The following SNX10 variants were observed in gnomAD, a reference collection of about 807,000 sequenced individuals.
SNX10 encodes the protein sorting nexin-10.
Under a neutral mutation model 28.5 loss-of-function variants are expected in SNX10, and 25 were observed. That is an observed-to-expected ratio of 0.88 (90% CI 0.64 to 1.22). The LOEUF (loss-of-function observed/expected upper bound fraction) is 1.22, where lower values mean the gene tolerates loss of function less well. SNX10 is among the 50% of genes most tolerant of loss of function. The pLI, the probability that SNX10 is intolerant of heterozygous loss-of-function variation, is 0.00. For missense variants in SNX10, 223 were observed against 242.6 expected (o/e 0.92, Z 0.54); for synonymous variants, 62 against 81.4 (o/e 0.76, Z 1.28).
chr7:26,297,534 C>T (rs1412744637), intron 1 of SNX10, among the ~76,000 whole-genome samples: 2 of 152,160 alleles, frequency 1.3e-5, no homozygotes, highest in Non-Finnish European at 2.9e-5. Context: ...TGAACATGAA[C>T]TTTGGCTACA....
intron 5 of SNX10, among the ~76,000 whole-genome samples, chr7:26,369,593 C>G (rs1034479148): frequency 4.8e-4 from 73 of 152,076 alleles, no homozygotes; most frequent in Admixed American, 2.0e-4. Context: ...TGTACCTAGC[C>G]GACTCACTGG....
chr7:26,361,072 A>T lies in SNX10; in HGVS notation c.111+11A>T, dbSNP rs762716516. 1.3e-6 allele frequency: 2 copies of T among 1,584,358 alleles called. No homozygotes were observed. Among genetic ancestry groups the T allele is most frequent in the East Asian group, 4.5e-5 (2 of 44,108 alleles). ...GAGATATGTATTCATGTAAGTATGT[A>T]GTCAGTAGAAATAGTAATTTTGAGG... is the stretch of plus-strand genomic sequence containing the variant. On this transcript the variant is annotated intron_variant, in intron 3 of 6. Transcript: ENST00000338523.
intron 1 of SNX10, among the ~76,000 whole-genome samples, chr7:26,311,863 TCACG>T (rs1352240429): frequency 2.6e-5 from 4 of 151,840 alleles, no homozygotes; most frequent in Non-Finnish European, 2.9e-5. Flanking sequence ...TTTAAGATTT[TCACG>T]CACGTGGATG....
chr7:26,343,971 G>A (rs1314041297), intron 1 of SNX10, among the ~76,000 whole-genome samples: 1 of 151,912 alleles, frequency 6.6e-6, no homozygotes, highest in Admixed American at 6.6e-5. Flanking sequence ...GTTTTAAATG[G>A]TAAAAAACAC....
chr7:26,327,661 T>A (rs578202894), intron 1 of SNX10, among the ~76,000 whole-genome samples: 1 of 152,236 alleles, frequency 6.6e-6, no homozygotes, highest in Non-Finnish European at 1.5e-5. Context: ...CACATAAAAA[T>A]TTTTTTGGTT....
At chr7:26,303,900 T>C (rs1047434913) in intron 1 of SNX10, among the ~76,000 whole-genome samples, 7 of 152,314 alleles carry the variant, frequency 4.6e-5, no homozygotes, top group African/African-American at 1.7e-4. Flanking sequence ...TGTGGATATC[T>C]AGCTCTCTTG....
intron 5 of SNX10, chr7:26,370,575 T>C (rs907912618): frequency 6.6e-6 from 1 of 152,242 alleles, no homozygotes; most frequent in Admixed American, 6.5e-5. Flanking sequence ...TGTGCATTTT[T>C]AGGCATTTTT....
At chr7:26,349,715 A>C (rs550623179) in intron 2 of SNX10, among the ~76,000 whole-genome samples, 1 of 152,358 alleles carries the variant, frequency 6.6e-6, no homozygotes, top group Non-Finnish European at 1.5e-5. Flanking sequence ...CTCCAAATGG[A>C]AAGGCAGGTG....
chr7:26,325,377 G>A (rs183914803), intron 1 of SNX10, among the ~76,000 whole-genome samples: 5 of 137,376 alleles, frequency 3.6e-5, no homozygotes, highest in African/African-American at 1.0e-4. Context: ...GCAGTGGCAC[G>A]ATCTTGGATC....
rs1218147097 is a variant in SNX10, at chr7:26,371,864, CTCT to C, written c.360_362del (p.Phe120del). 2 of 1,613,488 alleles carry C rather than the reference CTCT, an allele frequency of 1.2e-6. No individual in the cohort carries two copies. The highest frequency in any genetic ancestry group is 1.7e-6 in the Non-Finnish European group (2 of 1,179,616). ...TTTGCTTTCAGATAGCAGCCTTCAC[CTCT>C]TCTTACAGAGCCATCTGAATTCAGA... On this transcript the variant is annotated inframe_deletion, in exon 6 of 7. Coordinates refer to ENST00000338523, the MANE Select transcript of SNX10 (RefSeq NM_013322.3).
chr7:26,353,957 A>G (rs1788716405), intron 2 of SNX10: 1 of 152,220 alleles, frequency 6.6e-6, no homozygotes, highest in Admixed American at 6.5e-5. Flanking sequence ...ATTCTCATCA[A>G]AGCTATGAAA....
Position 26,291,926 on chromosome 7 carries a change from C to CGGGGAGCGA in SNX10, c.-176_-175insAGGGGAGCG. ...CGCGGGCGCGGGGCCGCTACGTGCGCGGGGAGCGCGGGGAGCGCGGGGAGC... is the reference window on the plus strand; with the variant it reads ...CGCGGGCGCGGGGCCGCTACGTGCGCGGGGAGCGAGGGGAGCGCGGGGAGCGCGGGGAGC... On this transcript the variant is annotated 5_prime_UTR_variant, in exon 1 of 7. Transcript: ENST00000338523. The CGGGGAGCGA allele has an allele frequency of 7.0e-6, 1 of 142,736 alleles. No individual in the cohort carries two copies. The highest frequency in any genetic ancestry group is 2.0e-4 in the East Asian group (1 of 5,034). The allele number at this position is 142,736 out of a possible 1,614,324, so 8.8% of individuals were successfully genotyped here. A position where few individuals can be genotyped will look rare whatever the true frequency, so the allele number is the denominator to read the frequency against.
rs1261699048 is a variant in SNX10, at chr7:26,346,420, A to T, written c.-23A>T. 6.2e-7 allele frequency: 1 copy of T among 1,602,426 alleles called. No homozygotes were observed. Among genetic ancestry groups the T allele is most frequent in the African/African-American group, 1.3e-5 (1 of 74,688 alleles). On this transcript the variant is annotated splice_region_variant and 5_prime_UTR_variant, in exon 2 of 7. Transcript: ENST00000338523. ...CCAGTGTGGATATCTTATTTTTCAG[A>T]TTGATCGTGTCCTGTGCTGAAGATG...
In SNX10 at chr7:26,353,460, T is replaced by C. The variant is rs372189683; in HGVS notation, c.24+6994T>C. ...TGCTTTTTTTTTTTTTTTTTTTTTT[T>C]GGTGGGGAGACAGAGTCTTGGTCTG... On this transcript the variant is annotated intron_variant, in intron 2 of 6. Transcript: ENST00000338523. Among the ~76,000 whole-genome samples the C allele has an allele frequency of 1.6e-4, 13 of 83,444 alleles. No homozygotes were observed. In the East Asian group the frequency reaches 2.5e-3, roughly 16 times the overall value. The allele number at this position is 83,444 out of a possible 152,430, so 54.7% of individuals were successfully genotyped here.
Position 26,352,017 on chromosome 7 carries a change from T to G in SNX10, c.24+5551T>G, listed in dbSNP as rs1788627795. Among the ~76,000 whole-genome samples, 5 of 152,128 alleles carry G rather than the reference T, an allele frequency of 3.3e-5. No individual in the cohort carries two copies. The South Asian group carries it at 1.0e-3, about 31-fold the overall frequency. On this transcript the variant is annotated intron_variant, in intron 2 of 6. Coordinates refer to ENST00000338523, the MANE Select transcript of SNX10 (RefSeq NM_013322.3). ...AACATGTCAATATTGATTAATGAAT[T>G]GTTACAAAGGCAGCATGCTAATATA...
At chr7:26,358,513 G>A (rs1412553510) in intron 2 of SNX10, among the ~76,000 whole-genome samples, 1 of 152,286 alleles carries the variant, frequency 6.6e-6, no homozygotes, top group African/African-American at 2.4e-5. Context: ...GCTGAGGCAG[G>A]GGTGTTGCTT....
chr7:26,364,723 G>C lies in SNX10; in HGVS notation c.212+88G>C. 1 of 898,638 alleles carries C rather than the reference G, an allele frequency of 1.1e-6. No individual in the cohort carries two copies. The highest frequency in any genetic ancestry group is 1.7e-6 in the Non-Finnish European group (1 of 592,630). The allele number at this position is 898,638 out of a possible 1,614,324, so 55.7% of individuals were successfully genotyped here. ...TCATTAAGATATATAAGATATGAAG[G>C]ATTTTTATAGGCTTTTGCCTTGATT... On this transcript the variant is annotated intron_variant, in intron 4 of 6. Coordinates refer to ENST00000338523, the MANE Select transcript of SNX10 (RefSeq NM_013322.3). This position sits in a 1 kb window ranked among gnomAD's most constrained non-coding sequence, Gnocchi z 4.9.
chr7:26,352,204 A>T (rs907428083), intron 2 of SNX10, among the ~76,000 whole-genome samples: 1 of 152,216 alleles, frequency 6.6e-6, no homozygotes, highest in Admixed American at 6.5e-5. Flanking sequence ...GAAAGATTGT[A>T]TAGTGAATAA....
chr7:26,304,568 C>T (rs778643003), intron 1 of SNX10, among the ~76,000 whole-genome samples: 2 of 152,226 alleles, frequency 1.3e-5, no homozygotes, highest in East Asian at 1.9e-4. Flanking sequence ...GATTACACCG[C>T]ACAAGCTTGA....
Sources: allele counts gnomAD v4.1 joint callset (sites outside exome capture counted in the v4.1 genomes callset), GRCh38; gene constraint gnomAD v4.1.1; non-coding constraint Gnocchi (gnomAD v3.1); transcripts MANE v1.5; gene names NCBI Gene and HGNC (gene_info 2026-07-23, HGNC 2026-07-21).